The following GALNT13 variants were observed in gnomAD, a reference collection of about 807,000 sequenced individuals.
The protein encoded by GALNT13 is polypeptide N-acetylgalactosaminyltransferase 13.
A neutral mutation model predicts 64.2 loss-of-function variants in GALNT13; 28 were observed. That is an observed-to-expected ratio of 0.44 (90% CI 0.32 to 0.60). GALNT13 has a LOEUF of 0.60. GALNT13 is among the 20% of genes least tolerant of loss of function. The probability of loss-of-function intolerance (pLI) is 0.05; values close to 1 mark genes in which losing one functional copy is unlikely to be tolerated. For synonymous variants in GALNT13, 214 were observed against 224.6 expected (o/e 0.95, Z 0.42); for missense variants, 577 against 669.8 (o/e 0.86, Z 1.53).
At chr2:153,479,949 C>A in the GALNT13 span, among the ~76,000 whole-genome samples, 1 of 152,150 alleles carries the variant, frequency 6.6e-6, no homozygotes, top group African/African-American at 2.4e-5. Context: ...CTGCCTTCCT[C>A]CCTCTTTCTT....
At chr2:154,335,188 A>G (rs1337197010) in intron 9 of GALNT13, among the ~76,000 whole-genome samples, 1 of 151,840 alleles carries the variant, frequency 6.6e-6, no homozygotes, top group Non-Finnish European at 1.5e-5. Flanking sequence ...ATGTGGTAGC[A>G]TTAAAGAAGA....
chr2:153,846,710 A>G, the GALNT13 span, among the ~76,000 whole-genome samples: 2 of 152,154 alleles, frequency 1.3e-5, no homozygotes, highest in African/African-American at 4.8e-5. Context: ...TTAGTTCAAA[A>G]GAAAATCCAA....
intron 3 of GALNT13, among the ~76,000 whole-genome samples, chr2:154,130,859 G>A (rs1162962571): frequency 1.3e-5 from 2 of 152,182 alleles, no homozygotes; most frequent in Admixed American, 1.3e-4. Flanking sequence ...ATTGGATTAT[G>A]TAAACAGCTT....
chr2:154,376,755 G>A (rs913121299), intron 9 of GALNT13, among the ~76,000 whole-genome samples: 2 of 152,028 alleles, frequency 1.3e-5, no homozygotes, highest in Non-Finnish European at 2.9e-5. Context: ...TAATATGTAG[G>A]ACAGTATTAT....
At chr2:153,225,435 AAG>A in the GALNT13 span, among the ~76,000 whole-genome samples, 1 of 152,198 alleles carries the variant, frequency 6.6e-6, no homozygotes, top group Non-Finnish European at 1.5e-5. Flanking sequence ...GGAACAAGGC[AAG>A]GTTGTCCTCC....
chr2:153,601,361 T>C, the GALNT13 span, among the ~76,000 whole-genome samples: 73 of 151,912 alleles, frequency 4.8e-4, no homozygotes, highest in Non-Finnish European at 1.0e-3. Flanking sequence ...TACAACATAA[T>C]GAACGTAAAC....
chr2:153,247,854 G>C, the GALNT13 span, among the ~76,000 whole-genome samples: 1 of 152,050 alleles, frequency 6.6e-6, no homozygotes, highest in Admixed American at 6.6e-5. Context: ...GAATCGAATA[G>C]AGACAATAAA....
At chr2:153,835,520 G>A in the GALNT13 span, among the ~76,000 whole-genome samples, 5 of 151,934 alleles carry the variant, frequency 3.3e-5, no homozygotes, top group Admixed American at 6.6e-5. Flanking sequence ...AGGGGTTTTG[G>A]TTCTATGATG....
the GALNT13 span, among the ~76,000 whole-genome samples, chr2:153,284,663 C>T: frequency 6.6e-6 from 1 of 152,134 alleles, no homozygotes; most frequent in Non-Finnish European, 1.5e-5. Context: ...CAGAAGGAGA[C>T]TCTCTGCCTC....
At chr2:154,190,255 T>C (rs1323497879) in intron 4 of GALNT13, among the ~76,000 whole-genome samples, 5 of 152,222 alleles carry the variant, frequency 3.3e-5, no homozygotes, top group African/African-American at 1.2e-4. Context: ...TGATGTCTAC[T>C]GTGATTACAG....
At chr2:154,006,538 G>C (rs993440373) in intron 3 of GALNT13, among the ~76,000 whole-genome samples, 2 of 152,072 alleles carry the variant, frequency 1.3e-5, no homozygotes, top group African/African-American at 4.8e-5. Context: ...TCAGAAAAAT[G>C]GACTGTGGGT....
At chr2:153,944,315 A>G (rs1460487330) in intron 2 of GALNT13, 79 bp from the exon 3 acceptor site, 2 of 523,942 alleles carry the variant, frequency 3.8e-6, no homozygotes, top group East Asian at 3.0e-5. Flanking sequence ...TAAATAAGTC[A>G]TACATTTCAT....
chr2:153,151,424 A>G, the GALNT13 span, among the ~76,000 whole-genome samples: 2 of 152,148 alleles, frequency 1.3e-5, no homozygotes, highest in Non-Finnish European at 2.9e-5. Context: ...CAGTGTGGCG[A>G]TTCCTCAGGG....
chr2:153,195,478 C>T, the GALNT13 span, among the ~76,000 whole-genome samples: 1 of 152,204 alleles, frequency 6.6e-6, no homozygotes, highest in South Asian at 2.1e-4. Context: ...GCATGGGTGC[C>T]AGCTTTCTGG....
chr2:153,836,216 T>C, the GALNT13 span, among the ~76,000 whole-genome samples: 1 of 152,058 alleles, frequency 6.6e-6, no homozygotes, highest in South Asian at 2.1e-4. Context: ...AATGTTTTTA[T>C]TGTATATATT....
the GALNT13 span, among the ~76,000 whole-genome samples, chr2:153,141,587 G>T: frequency 6.6e-6 from 1 of 152,110 alleles, no homozygotes. Flanking sequence ...TGTGTTCTTG[G>T]TTCTACCTAC....
the GALNT13 span, among the ~76,000 whole-genome samples, chr2:153,099,182 T>G: frequency 3.3e-5 from 5 of 152,180 alleles, no homozygotes; most frequent in Non-Finnish European, 7.4e-5. Context: ...CACTTTATCA[T>G]TTTAAACATG....
At chr2:153,264,042 T>C in the GALNT13 span, among the ~76,000 whole-genome samples, 1 of 152,214 alleles carries the variant, frequency 6.6e-6, no homozygotes, top group South Asian at 2.1e-4. Flanking sequence ...TTTTGCAATC[T>C]ATCCATCTGA....
chr2:153,776,976 C>T, the GALNT13 span, among the ~76,000 whole-genome samples: 2 of 152,140 alleles, frequency 1.3e-5, no homozygotes, highest in African/African-American at 2.4e-5. Flanking sequence ...CATTTCTTGT[C>T]TTTTAAGGCT....
Sources: allele counts gnomAD v4.1 joint callset (sites outside exome capture counted in the v4.1 genomes callset), GRCh38; gene constraint gnomAD v4.1.1; transcripts MANE v1.5; gene names NCBI Gene and HGNC (gene_info 2026-07-23, HGNC 2026-07-21).